NXN: variants seen among roughly 807,000 people sequenced by gnomAD.
NXN encodes the protein nucleoredoxin.
A neutral mutation model predicts 48.6 loss-of-function variants in NXN; 16 were observed. That is an observed-to-expected ratio of 0.33 (90% CI 0.22 to 0.50). NXN has a LOEUF of 0.50. NXN is among the 20% of genes least tolerant of loss of function. The probability of loss-of-function intolerance (pLI) is 0.98; values close to 1 mark genes in which losing one functional copy is unlikely to be tolerated. For missense variants in NXN, 492 were observed against 605.5 expected, an observed-to-expected ratio of 0.81 and a Z score of 1.97; for synonymous variants, 281 against 269.6, an observed-to-expected ratio of 1.04 and a Z score of -0.41.
intron 1 of NXN, among the ~76,000 whole-genome samples, chr17:881,010 G>A (rs981633968): frequency 4.6e-5 from 7 of 152,204 alleles, no homozygotes; most frequent in East Asian, 1.9e-4. Context: ...TAGCTGAGCC[G>A]TGGCCCAGGC....
At chr17:940,081 A>G (rs1567510615) in intron 1 of NXN, among the ~76,000 whole-genome samples, 1 of 151,932 alleles carries the variant, frequency 6.6e-6, no homozygotes, top group South Asian at 2.1e-4. Flanking sequence ...CCACAGGCAC[A>G]GGCCACCACG....
intron 1 of NXN, among the ~76,000 whole-genome samples, chr17:863,191 G>C (rs2068058893): frequency 6.6e-6 from 1 of 151,990 alleles, no homozygotes; most frequent in South Asian, 2.1e-4. Flanking sequence ...GTTTTTTTGA[G>C]ACAGAGTCTC....
At chr17:818,446 C>A (rs1470234145) in intron 5 of NXN, among the ~76,000 whole-genome samples, 2 of 151,968 alleles carry the variant, frequency 1.3e-5, no homozygotes, top group Admixed American at 1.3e-4. Context: ...CTTTACCACC[C>A]CACTTTGCAG....
intron 1 of NXN, among the ~76,000 whole-genome samples, chr17:847,810 T>A (rs2067881002): frequency 6.6e-6 from 1 of 152,088 alleles, no homozygotes; most frequent in Non-Finnish European, 1.5e-5. Flanking sequence ...AAGATGAAAT[T>A]CAAGACAGAT....
chr17:896,861 G>T, intron 1 of NXN: 2 of 1,125,964 alleles, frequency 1.8e-6, no homozygotes, highest in Non-Finnish European at 1.1e-6. Flanking sequence ...CTGACCACCC[G>T]CCCCCGGCCC....
chr17:906,767 T>C (rs2068585416), intron 1 of NXN, among the ~76,000 whole-genome samples: 1 of 151,472 alleles, frequency 6.6e-6, no homozygotes, highest in Non-Finnish European at 1.5e-5. Context: ...TCGGGTTTCA[T>C]TATGTTGGCC....
chr17:816,631 C>T (rs371068366), intron 5 of NXN, among the ~76,000 whole-genome samples: 7 of 152,266 alleles, frequency 4.6e-5, no homozygotes, highest in East Asian at 1.9e-4. Flanking sequence ...CATCCATCTG[C>T]ACGATTAGGG....
At chr17:898,287 T>C (rs1170014064) in intron 1 of NXN, among the ~76,000 whole-genome samples, 2 of 152,108 alleles carry the variant, frequency 1.3e-5, no homozygotes, top group South Asian at 2.1e-4. Context: ...ACTGCCCCAG[T>C]TGAGAACCAC....
chr17:834,088 G>A (rs1048059955), intron 1 of NXN, among the ~76,000 whole-genome samples: 2 of 152,220 alleles, frequency 1.3e-5, no homozygotes, highest in Non-Finnish European at 2.9e-5. Flanking sequence ...GGGGGGACGA[G>A]GCGGGTGGAT....
At chr17:971,246 G>A (rs528315985) in intron 1 of NXN, among the ~76,000 whole-genome samples, 65 of 151,924 alleles carry the variant, frequency 4.3e-4, no homozygotes, top group South Asian at 1.9e-3. Flanking sequence ...GCGCGTGGCC[G>A]AGTCTCTTTT....
intron 5 of NXN, among the ~76,000 whole-genome samples, chr17:810,822 G>A (rs892403045): frequency 1.3e-5 from 2 of 152,144 alleles, no homozygotes; most frequent in Non-Finnish European, 2.9e-5. Flanking sequence ...GCGGGAGGCA[G>A]AGCTTGCAGT....
chr17:911,690 T>A (rs1164497571), intron 1 of NXN, among the ~76,000 whole-genome samples: 1 of 151,690 alleles, frequency 6.6e-6, no homozygotes, highest in Admixed American at 6.6e-5. Context: ...ATGGTCTTGA[T>A]CTCCTGACCT....
At chr17:960,253 A>G (rs577636414) in intron 1 of NXN, among the ~76,000 whole-genome samples, 333 of 152,306 alleles carry the variant, frequency 2.2e-3, no homozygotes, top group African/African-American at 7.7e-3. Context: ...ATCTATAATC[A>G]TGGTATCATG....
At chr17:873,294 C>A (rs1043923379) in intron 1 of NXN, among the ~76,000 whole-genome samples, 1 of 151,828 alleles carries the variant, frequency 6.6e-6, no homozygotes, top group African/African-American at 2.4e-5. Flanking sequence ...ATCAGGAGTT[C>A]GAGACCAGCC....
intron 1 of NXN, among the ~76,000 whole-genome samples, chr17:881,461 A>G (rs1014816162): frequency 6.6e-6 from 1 of 152,196 alleles, no homozygotes; most frequent in African/African-American, 2.4e-5. Flanking sequence ...TCCCGGGCTC[A>G]AGAAATCTGC....
intron 1 of NXN, among the ~76,000 whole-genome samples, chr17:921,564 C>CA (rs996550028): frequency 2.4e-4 from 37 of 152,286 alleles, no homozygotes; most frequent in African/African-American, 8.7e-4. Flanking sequence ...TTGGCTTTCT[C>CA]CTCCTGTCCC....
At chr17:815,708 T>C (rs1272725113) in intron 5 of NXN, among the ~76,000 whole-genome samples, 1 of 152,260 alleles carries the variant, frequency 6.6e-6, no homozygotes, top group Non-Finnish European at 1.5e-5. Context: ...TCTAGATCCC[T>C]AAGCTCTGCA....
At chr17:973,587 G>A (rs1476857532) in intron 1 of NXN, among the ~76,000 whole-genome samples, 2 of 152,182 alleles carry the variant, frequency 1.3e-5, no homozygotes, top group Non-Finnish European at 2.9e-5. Flanking sequence ...GTAAGTATCA[G>A]TAATATCCCG....
chr17:882,989 G>C (rs1237184402), intron 1 of NXN, among the ~76,000 whole-genome samples: 1 of 152,134 alleles, frequency 6.6e-6, no homozygotes, highest in African/African-American at 2.4e-5. Flanking sequence ...CCTGACCTCA[G>C]GTGATCTGTT....
Sources: gnomAD v4.1 joint callset for allele counts (sites outside exome capture counted in the v4.1 genomes callset) on GRCh38, gnomAD v4.1.1 for gene constraint, MANE v1.5 for transcripts, NCBI Gene and HGNC (gene_info 2026-07-23, HGNC 2026-07-21) for gene names.